KATNAL2: variants seen among roughly 807,000 people sequenced by gnomAD.
KATNAL2 encodes katanin catalytic subunit A1 like 2, also known as katanin p60 ATPase-containing subunit A-like 2.
A neutral mutation model predicts 76.3 loss-of-function variants in KATNAL2; 52 were observed. The ratio of observed to expected loss-of-function variants is 0.68; its 90% CI spans 0.55 to 0.86. The LOEUF (loss-of-function observed/expected upper bound fraction) is 0.86, where lower values mean the gene tolerates loss of function less well. KATNAL2 is among the 40% of genes least tolerant of loss of function. The probability of loss-of-function intolerance (pLI) is 0.00; values close to 1 mark genes in which losing one functional copy is unlikely to be tolerated. For missense variants in KATNAL2, 660 were observed against 668.9 expected, an observed-to-expected ratio of 0.99 and a Z score of 0.15; for synonymous variants, 243 against 244.2, an observed-to-expected ratio of 1.00 and a Z score of 0.05.
intron 15 of KATNAL2, among the ~76,000 whole-genome samples, chr18:47,081,401 T>C: frequency 6.6e-6 from 1 of 152,332 alleles, no homozygotes; most frequent in East Asian, 1.9e-4. Flanking sequence ...TAACACAGTA[T>C]TTTCAAAACA....
intron 6 of KATNAL2, among the ~76,000 whole-genome samples, chr18:47,056,957 G>A (rs1323950458): frequency 6.6e-6 from 1 of 151,984 alleles, no homozygotes; most frequent in Non-Finnish European, 1.5e-5. Context: ...CAGCAAAAGG[G>A]TAGAGAAAGA....
At chr18:47,046,408 G>A in intron 3 of KATNAL2, 49 bp from the exon 4 acceptor site, 5 of 1,210,120 alleles carry the variant, frequency 4.1e-6, no homozygotes, top group Non-Finnish European at 5.9e-6. Context: ...TGCCGTAGGA[G>A]CAGTGTTATT....
chr18:46,948,796 C>A (rs1188363117), intron 3 of KATNAL2, among the ~76,000 whole-genome samples: 1 of 151,950 alleles, frequency 6.6e-6, no homozygotes, highest in Non-Finnish European at 1.5e-5. Flanking sequence ...TTTGTTAAGC[C>A]CCAGACCAAT....
At chr18:47,071,777 A>G (rs1487626909) in intron 13 of KATNAL2, among the ~76,000 whole-genome samples, 1 of 151,966 alleles carries the variant, frequency 6.6e-6, no homozygotes, top group Non-Finnish European at 1.5e-5. Flanking sequence ...AGAAAAGTCA[A>G]TTAACAAGAA....
rs968292324 is a variant in KATNAL2 at position 46,960,928 on chromosome 18, G to A, written c.51+14005G>A. Among the ~76,000 whole-genome samples the A allele has an allele frequency of 1.3e-5, 2 of 152,154 alleles. 1 individual carries two copies. The highest frequency in any genetic ancestry group is 4.1e-4 in the South Asian group (2 of 4,830). On this transcript the variant is annotated intron_variant, in intron 3 of 17. Transcript: ENST00000683218. ...TGGCTGGGAGTGTCAGCAGACTTGCGTCTTAAGAACTGAGCTCCCTAAAAA... is the reference window on the plus strand; with the variant it reads ...TGGCTGGGAGTGTCAGCAGACTTGCATCTTAAGAACTGAGCTCCCTAAAAA...
intron 6 of KATNAL2, among the ~76,000 whole-genome samples, chr18:47,057,556 TTCTCCCCA>T (rs2061506871): frequency 6.6e-6 from 1 of 152,214 alleles, no homozygotes; most frequent in East Asian, 1.9e-4. Context: ...CTCAGTCAAA[TTCTCCCCA>T]TCTCCATCAG....
chr18:46,936,176 A>G (rs559186952), intron 1 of KATNAL2, among the ~76,000 whole-genome samples: 1 of 152,180 alleles, frequency 6.6e-6, no homozygotes, highest in Non-Finnish European at 1.5e-5. Flanking sequence ...ATCAAACAAA[A>G]CATCATTAAA....
intron 15 of KATNAL2, among the ~76,000 whole-genome samples, chr18:47,080,348 TTAGAG>T (rs779597130): frequency 6.6e-6 from 1 of 152,132 alleles, no homozygotes; most frequent in Non-Finnish European, 1.5e-5. Context: ...ATTCACCCAT[TTAGAG>T]TATACGATTC....
intron 1 of KATNAL2, among the ~76,000 whole-genome samples, chr18:46,921,854 C>G (rs1176543431): frequency 6.6e-6 from 1 of 152,074 alleles, no homozygotes; most frequent in East Asian, 1.9e-4. Flanking sequence ...TGTCTCTGAA[C>G]CCATTAGACT....
At chr18:46,929,155 G>A (rs992339964) in intron 1 of KATNAL2, among the ~76,000 whole-genome samples, 1 of 151,740 alleles carries the variant, frequency 6.6e-6, no homozygotes, top group East Asian at 1.9e-4. Context: ...AATATAAGTG[G>A]AATCATACAG....
At position 47,054,400 on chromosome 18, in the gene KATNAL2, A is replaced by T. The variant is rs148499896; in HGVS notation, c.294A>T (p.Glu98Asp). Residue 98 changes from glutamate to aspartate, a missense_variant, in exon 6 of 18, where the codon GAA becomes GAT. Physicochemically the swap from Glu to Asp is conservative, Grantham distance 45 (BLOSUM62 2). Coordinates refer to ENST00000683218, the MANE Select transcript of KATNAL2 (RefSeq NM_001387690.1). ...CCAATGTCTGTTTTGTCACAGCAGA[A>T]AATAATTTACCGCAAAGAAGTAGAG... ...KIVKKSSDTAENNLPQRSRGK... is the reference protein window; with the variant it reads ...KIVKKSSDTADNNLPQRSRGK... 4 of 1,613,242 alleles carry T rather than the reference A, an allele frequency of 2.5e-6. No individual in the cohort carries two copies. The highest frequency in any genetic ancestry group is 3.4e-6 in the Non-Finnish European group (4 of 1,179,286).
At chr18:47,046,735 A>T (rs1182690950) in intron 4 of KATNAL2, among the ~76,000 whole-genome samples, 1 of 152,104 alleles carries the variant, frequency 6.6e-6, no homozygotes, top group African/African-American at 2.4e-5. Flanking sequence ...GTGGTTTATT[A>T]CTACCGTTGA....
At position 46,957,991 on chromosome 18, in the gene KATNAL2, T is replaced by C. The variant is rs529747611; in HGVS notation, c.51+11068T>C. Among the ~76,000 whole-genome samples the C allele has an allele frequency of 2.6e-5, 4 of 152,302 alleles. No individual in the cohort carries two copies. The East Asian group carries it at 7.7e-4, about 29-fold the overall frequency. On this transcript the variant is annotated intron_variant, in intron 3 of 17. Coordinates refer to ENST00000683218, the MANE Select transcript of KATNAL2 (RefSeq NM_001387690.1). ...GATTACAGGTGTGAGCCACCGCACC[T>C]GGCCAGATTGCCCTCTTTAATGTGG...
chr18:46,927,126 T>G (rs113498944), intron 1 of KATNAL2, among the ~76,000 whole-genome samples: 8,762 of 152,254 alleles, frequency 0.058, 299 homozygotes, highest in Non-Finnish European at 0.081. Context: ...ATCCTGTCAT[T>G]ATGATGTTAG....
intron 3 of KATNAL2, among the ~76,000 whole-genome samples, chr18:46,961,091 C>T (rs1485176636): frequency 6.6e-6 from 1 of 152,222 alleles, no homozygotes; most frequent in East Asian, 1.9e-4. Flanking sequence ...TGCAATGCTT[C>T]CTCATACAAT....
intron 3 of KATNAL2, among the ~76,000 whole-genome samples, chr18:46,956,049 A>G (rs1057431235): frequency 1.1e-4 from 17 of 152,316 alleles, no homozygotes; most frequent in African/African-American, 3.6e-4. Flanking sequence ...CATATGATTC[A>G]TATCTAAAAT....
At chr18:47,039,178 A>C (rs1482854109) in intron 3 of KATNAL2, among the ~76,000 whole-genome samples, 2 of 152,144 alleles carry the variant, frequency 1.3e-5, no homozygotes, top group Non-Finnish European at 2.9e-5. Context: ...AATTATTTAC[A>C]TTTATTTAAG....
intron 1 of KATNAL2, among the ~76,000 whole-genome samples, chr18:46,945,408 A>T (rs992548257): frequency 4.6e-5 from 7 of 152,224 alleles, no homozygotes; most frequent in African/African-American, 1.7e-4. Context: ...GGCAATATAG[A>T]CTTTTCTTAT....
chr18:47,059,540 G>A lies in KATNAL2; in HGVS notation c.451-16G>A. The stretch of plus-strand genomic sequence containing the variant: ...GGCTGCTCACAGCCGATGTGTCCTT[G>A]TCTCTCTTTCTTCAGGAGGTAGTTG... On this transcript the variant is annotated splice_polypyrimidine_tract_variant and intron_variant, in intron 7 of 17. Transcript: ENST00000683218. 1 of 1,565,576 alleles carries A rather than the reference G, an allele frequency of 6.4e-7. No homozygotes were observed. Among genetic ancestry groups the A allele is most frequent in the East Asian group, 2.2e-5 (1 of 44,596 alleles).
Sources: allele counts gnomAD v4.1 joint callset (sites outside exome capture counted in the v4.1 genomes callset), GRCh38; gene constraint gnomAD v4.1.1; transcripts MANE v1.5; gene names NCBI Gene and HGNC (gene_info 2026-07-23, HGNC 2026-07-21).